Variants in TRPC4 observed in about 807,000 individuals in gnomAD.
TRPC4 encodes short transient receptor potential channel 4.
TRPC4 carries 49 observed loss-of-function variants against 99.4 expected under a neutral mutation model. That is an observed-to-expected ratio of 0.49 (90% confidence interval 0.39 to 0.63). The LOEUF (loss-of-function observed/expected upper bound fraction) is 0.63. TRPC4 is among the 20% of genes least tolerant of loss of function. The pLI, the probability that TRPC4 is intolerant of heterozygous loss-of-function variation, is 0.00. For missense variants in TRPC4, 898 were observed against 1,152.9 expected (o/e 0.78, Z 3.20); for synonymous variants, 454 against 425.9 (o/e 1.07, Z -0.81).
rs147151574 is a variant in TRPC4, at chr13:37,865,190, G to C, written c.-28+4405C>G. ...AATGAGAGCTCCTCTCAAATACCAA[G>C]GGACATTAAAATAATTGGAAAATTA... On this transcript the variant is annotated intron_variant, in intron 1 of 10. Transcript: ENST00000379705. Among the ~76,000 whole-genome samples the C allele has an allele frequency of 5.3e-5, 8 of 151,694 alleles. No individual in the cohort carries two copies. The East Asian group carries it at 1.4e-3, about 26-fold the overall frequency.
chr13:37,730,780 T>C, intron 3 of TRPC4, among the ~76,000 whole-genome samples: 1 of 152,100 alleles, frequency 6.6e-6, no homozygotes, highest in Non-Finnish European at 1.5e-5. Context: ...GAATTTTTAC[T>C]TTGATTTTCC....
intron 8 of TRPC4, among the ~76,000 whole-genome samples, chr13:37,649,400 C>G (rs1306194673): frequency 6.6e-6 from 1 of 152,042 alleles, no homozygotes; most frequent in African/African-American, 2.4e-5. Context: ...AATTCTAGTT[C>G]AGTTACGGCA....
chr13:37,723,226 A>C (rs909592498), intron 3 of TRPC4, among the ~76,000 whole-genome samples: 1 of 152,184 alleles, frequency 6.6e-6, no homozygotes, highest in Non-Finnish European at 1.5e-5. Context: ...AACACAGAAA[A>C]GTGTAAAATG....
At chr13:37,798,410 A>G (rs1957310510) in intron 1 of TRPC4, among the ~76,000 whole-genome samples, 1 of 152,176 alleles carries the variant, frequency 6.6e-6, no homozygotes, top group Non-Finnish European at 1.5e-5. Flanking sequence ...AAAATGGTTT[A>G]TTAACTTCAT....
At chr13:37,802,190 C>T in intron 1 of TRPC4, among the ~76,000 whole-genome samples, 1 of 152,046 alleles carries the variant, frequency 6.6e-6, no homozygotes, top group East Asian at 1.9e-4. Context: ...CTTTTAGCTT[C>T]TGCTAATGCT....
At chr13:37,790,582 A>G (rs2139384770) in intron 1 of TRPC4, among the ~76,000 whole-genome samples, 1 of 152,286 alleles carries the variant, frequency 6.6e-6, no homozygotes, top group South Asian at 2.1e-4. Context: ...CAGCTCCCTT[A>G]TTAAATAAGG....
At chr13:37,829,093 A>C (rs1667417423) in intron 1 of TRPC4, among the ~76,000 whole-genome samples, 1 of 152,214 alleles carries the variant, frequency 6.6e-6, no homozygotes, top group South Asian at 2.1e-4. Flanking sequence ...ATCACAAGCA[A>C]CCAAAGAAAA....
intron 3 of TRPC4, among the ~76,000 whole-genome samples, chr13:37,699,878 T>G (rs1954048327): frequency 6.6e-6 from 1 of 152,170 alleles, no homozygotes; most frequent in African/African-American, 2.4e-5. Flanking sequence ...TTAAAATTGG[T>G]TTGGCAACTG....
chr13:37,794,750 C>T lies in TRPC4; in HGVS notation c.-27-11390G>A, dbSNP rs1341680692. ...TCTCCATGCTTCAATCAAGCTATAA[C>T]TTTTTACTTAATTAAAAAAGTACTA... On this transcript the variant is annotated intron_variant, in intron 1 of 10. Transcript: ENST00000379705. Among the ~76,000 whole-genome samples, 5 of 152,226 alleles carry T rather than the reference C, an allele frequency of 3.3e-5. No individual in the cohort carries two copies. The East Asian group carries it at 7.7e-4, about 24-fold the overall frequency.
intron 1 of TRPC4, among the ~76,000 whole-genome samples, chr13:37,857,287 C>A (rs914988521): frequency 2.0e-5 from 3 of 151,300 alleles, no homozygotes; most frequent in Non-Finnish European, 4.4e-5. Context: ...CAAAAATGGA[C>A]AGATATTTCA....
At position 37,836,864 on chromosome 13, in the gene TRPC4, C is replaced by T. The variant is rs1958580171; in HGVS notation, c.-28+32731G>A. On this transcript the variant is annotated intron_variant, in intron 1 of 10. Transcript: ENST00000379705. ...CAGCACATGTGAGAGGTCTTCATGG[C>T]AGCCCCTCCCATCACAGGCCCAGAG... Among the ~76,000 whole-genome samples, 4 of 152,308 alleles carry T rather than the reference C, an allele frequency of 2.6e-5. No homozygotes were observed. In the South Asian group the frequency reaches 8.3e-4, roughly 32 times the overall value.
chr13:37,735,542 A>G (rs1430632413), intron 3 of TRPC4, among the ~76,000 whole-genome samples: 1 of 152,190 alleles, frequency 6.6e-6, no homozygotes, highest in Admixed American at 6.5e-5. Flanking sequence ...TCCATCATTG[A>G]CAAACTACAT....
At chr13:37,788,933 C>T (rs188397031) in intron 1 of TRPC4, among the ~76,000 whole-genome samples, 59 of 152,130 alleles carry the variant, frequency 3.9e-4, no homozygotes, top group African/African-American at 1.1e-3. Flanking sequence ...AAGATTTCAA[C>T]GGCTCAGTAG....
chr13:37,656,320 T>C (rs2985166), intron 6 of TRPC4, among the ~76,000 whole-genome samples: 148,889 of 152,222 alleles, frequency 0.98, 72,892 homozygotes, highest in East Asian at 1. Context: ...AAAAATAAAA[T>C]GAAAACCTTC....
intron 1 of TRPC4, among the ~76,000 whole-genome samples, chr13:37,804,446 C>A (rs184649193): frequency 1.3e-5 from 2 of 151,958 alleles, no homozygotes; most frequent in East Asian, 3.9e-4. Flanking sequence ...ATGAGAAGAA[C>A]TATGGAAAGA....
chr13:37,868,537 G>T (rs975850041), intron 1 of TRPC4, among the ~76,000 whole-genome samples: 11 of 152,006 alleles, frequency 7.2e-5, no homozygotes, highest in Non-Finnish European at 1.6e-4. Context: ...AATATTCTTT[G>T]TGCTGTGATT....
At chr13:37,704,801 C>A (rs1464751539) in intron 3 of TRPC4, among the ~76,000 whole-genome samples, 2 of 151,970 alleles carry the variant, frequency 1.3e-5, no homozygotes, top group Admixed American at 6.6e-5. Flanking sequence ...CTCAATATTC[C>A]CCCTTAATTA....
intron 1 of TRPC4, among the ~76,000 whole-genome samples, chr13:37,812,438 T>C (rs1313807422): frequency 6.6e-6 from 1 of 151,934 alleles, no homozygotes; most frequent in Admixed American, 6.6e-5. Flanking sequence ...AAAAGCTACA[T>C]TATGACAGTT....
chr13:37,660,355 A>G (rs1952389861), intron 6 of TRPC4, among the ~76,000 whole-genome samples: 1 of 152,214 alleles, frequency 6.6e-6, no homozygotes, highest in Admixed American at 6.5e-5. Flanking sequence ...AAATATCCAT[A>G]GTTAATGGTG....
Sources: gnomAD v4.1 joint callset for allele counts (sites outside exome capture counted in the v4.1 genomes callset) on GRCh38, gnomAD v4.1.1 for gene constraint, MANE v1.5 for transcripts, NCBI Gene and HGNC (gene_info 2026-07-23, HGNC 2026-07-21) for gene names.